Variants in CELF2 observed in about 807,000 individuals in gnomAD.
The protein encoded by CELF2 is CUG triplet repeat RNA-binding protein 2.
In CELF2, 8 loss-of-function variants were observed where a neutral mutation model predicts 62.6. That is an observed-to-expected ratio of 0.13 (90% CI 0.07 to 0.23). CELF2 has a LOEUF of 0.23. Among genes scored for constraint, CELF2 ranks in the 10% least tolerant of loss-of-function variants. The pLI is 1.00. For synonymous variants in CELF2, 258 were observed against 250.0 expected (o/e 1.03, Z -0.30); for missense variants, 333 against 671.0 (o/e 0.50, Z 5.56).
At position 11,305,559 on chromosome 10, in the gene CELF2, G is replaced by C. The variant is rs78290810; in HGVS notation, c.977-8580G>C. On this transcript the variant is annotated intron_variant, in intron 9 of 12. Transcript: ENST00000633077. This position sits in a 1 kb window ranked among gnomAD's most constrained non-coding sequence, Gnocchi z 4.8. ...CTGTTATTGTCAGTGGGATTAGGAA[G>C]AGAAGGAAGGTTGGGGGGTTCAGCT... is the stretch of plus-strand genomic sequence containing the variant. Among the ~76,000 whole-genome samples, 11,497 of 152,312 alleles carry C rather than the reference G, an allele frequency of 0.075. 831 individuals are homozygous for C. The highest frequency in any genetic ancestry group is 0.19 in the African/African-American group (7,779 of 41,538).
At chr10:10,821,242 G>C (rs1006039595) in intron 1 of CELF2, among the ~76,000 whole-genome samples, 3 of 152,176 alleles carry the variant, frequency 2.0e-5, no homozygotes, top group African/African-American at 7.2e-5. Context: ...CCAGGTGACT[G>C]TCTGGCTCTG....
intron 8 of CELF2, among the ~76,000 whole-genome samples, chr10:11,284,173 T>C (rs1419306535): frequency 6.5e-5 from 6 of 92,468 alleles, no homozygotes; most frequent in Non-Finnish European, 1.0e-4. Context: ...GCGTGGTGGG[T>C]GGATGAGGGA....
chr10:10,759,238 A>G, the CELF2 span, among the ~76,000 whole-genome samples: 1 of 151,730 alleles, frequency 6.6e-6, no homozygotes. Context: ...TCCACCCTAC[A>G]TAAAGCAGGC....
intron 1 of CELF2, among the ~76,000 whole-genome samples, chr10:10,849,116 G>A (rs2059207573): frequency 6.6e-6 from 1 of 151,832 alleles, no homozygotes. Context: ...GTAAGAACAG[G>A]CTGGCCATGG....
chr10:10,549,571 A>G, the CELF2 span, among the ~76,000 whole-genome samples: 168 of 152,308 alleles, frequency 1.1e-3, no homozygotes, highest in African/African-American at 3.8e-3. Flanking sequence ...GGCGTGAGCC[A>G]CTGCGCCCGG....
chr10:11,262,479 A>T (rs562239903), intron 5 of CELF2, among the ~76,000 whole-genome samples: 34 of 152,320 alleles, frequency 2.2e-4, no homozygotes, highest in African/African-American at 8.2e-4. Flanking sequence ...CTTTGGCGAC[A>T]TGCCCCCTTG....
the CELF2 span, among the ~76,000 whole-genome samples, chr10:10,571,645 G>C: frequency 6.6e-6 from 1 of 152,042 alleles, no homozygotes; most frequent in Non-Finnish European, 1.5e-5. Context: ...TGACTGGGAG[G>C]GTACATGGGG....
At chr10:10,584,022 T>TA in the CELF2 span, among the ~76,000 whole-genome samples, 2 of 151,808 alleles carry the variant, frequency 1.3e-5, no homozygotes, top group African/African-American at 4.8e-5. Context: ...CGTAGGGGGC[T>TA]AAGGCTGTCT....
the CELF2 span, among the ~76,000 whole-genome samples, chr10:10,638,242 G>T: frequency 3.9e-5 from 6 of 152,140 alleles, no homozygotes; most frequent in African/African-American, 1.2e-4. Context: ...GGGTCCTTTT[G>T]GTTTCTGTAT....
chr10:10,481,789 T>C, the CELF2 span, among the ~76,000 whole-genome samples: 1 of 152,220 alleles, frequency 6.6e-6, no homozygotes, highest in Non-Finnish European at 1.5e-5. Context: ...ATTCTGTAGT[T>C]TGAGGGAAAT....
chr10:10,631,237 T>A, the CELF2 span, among the ~76,000 whole-genome samples: 4 of 152,154 alleles, frequency 2.6e-5, no homozygotes, highest in Non-Finnish European at 5.9e-5. Context: ...AAAGCCAAAC[T>A]CACGGTGAGT....
intron 2 of CELF2, among the ~76,000 whole-genome samples, chr10:11,167,909 C>A (rs1362853413): frequency 6.6e-6 from 1 of 152,130 alleles, no homozygotes; most frequent in Non-Finnish European, 1.5e-5. Context: ...AGAAACATAG[C>A]CCCGTTTGCC....
the CELF2 span, among the ~76,000 whole-genome samples, chr10:10,724,994 G>A: frequency 2.0e-5 from 3 of 152,170 alleles, no homozygotes; most frequent in Non-Finnish European, 4.4e-5. Context: ...ATTTCATTCT[G>A]ATTAGTATAA....
Position 11,328,138 on chromosome 10 carries a change from AT to A in CELF2, c.1439-786del, listed in dbSNP as rs2132713788. 6.6e-6 allele frequency among the ~76,000 whole-genome samples: 1 copy of A among 152,320 alleles called. No individual in the cohort carries two copies. The highest frequency in any genetic ancestry group is 1.9e-4 in the East Asian group (1 of 5,182). On this transcript the variant is annotated intron_variant, in intron 12 of 12. Coordinates refer to ENST00000633077, the MANE Select transcript of CELF2 (RefSeq NM_001326342.2). The surrounding 1 kb of genome is among the most constrained non-coding windows in gnomAD (Gnocchi z 6.4). ...GTTGCTACAGAGTAAGAGATGGGGA[AT>A]TCTCTTCAGATGATTAAGTTCTAAG...
chr10:10,571,546 C>A, the CELF2 span, among the ~76,000 whole-genome samples: 2 of 151,986 alleles, frequency 1.3e-5, no homozygotes. Flanking sequence ...ACAGTTTGTA[C>A]CAAGCAGTAA....
chr10:11,210,812 A>G (rs1218358030), intron 2 of CELF2, among the ~76,000 whole-genome samples: 6 of 152,224 alleles, frequency 3.9e-5, no homozygotes, highest in East Asian at 3.8e-4. Flanking sequence ...CAGTGTTTCA[A>G]TAATTAAAAA....
intron 2 of CELF2, among the ~76,000 whole-genome samples, chr10:10,965,514 C>G (rs974711784): frequency 1.3e-5 from 2 of 152,174 alleles, no homozygotes; most frequent in Non-Finnish European, 1.5e-5. Flanking sequence ...GCCTGAACCC[C>G]AGAGTTTCTG....
chr10:10,875,595 C>T lies in CELF2; in HGVS notation c.54-44369C>T, dbSNP rs368373792. The stretch of plus-strand genomic sequence containing the variant: ...GTAGGAGGGTTGTTTCTCCTCTTCC[C>T]TCTTTCTTACTAACAATGGTGGTGG... On this transcript the variant is annotated intron_variant, in intron 1 of 13. Coordinates refer to the CELF2 transcript ENST00000636488. Among the ~76,000 whole-genome samples the T allele has an allele frequency of 2.0e-5, 3 of 152,322 alleles. No individual in the cohort carries two copies. The South Asian group carries it at 6.2e-4, about 32-fold the overall frequency.
rs899726936 is a variant in CELF2 at position 10,931,095 on chromosome 10, C to T, written c.89+11096C>T. 1.3e-5 allele frequency among the ~76,000 whole-genome samples: 2 copies of T among 152,270 alleles called. No homozygotes were observed. Among genetic ancestry groups the T allele is most frequent in the South Asian group, 4.2e-4 (2 of 4,814 alleles). On this transcript the variant is annotated intron_variant, in intron 2 of 13. Transcript: ENST00000636488. The surrounding 1 kb of genome is among the most constrained non-coding windows in gnomAD (Gnocchi z 6.1). ...CCATGTATACATAGATAGTTTTAAA[C>T]CCTGTAAACCTTTCTTTTCGGATTA...
Sources: gnomAD v4.1 joint callset for allele counts (sites outside exome capture counted in the v4.1 genomes callset) on GRCh38, gnomAD v4.1.1 for gene constraint, Gnocchi (gnomAD v3.1) non-coding constraint, MANE v1.5 for transcripts, NCBI Gene and HGNC (gene_info 2026-07-23, HGNC 2026-07-21) for gene names.